Variants in RARB observed in about 807,000 individuals in gnomAD.
RARB encodes HBV-activated protein.
In RARB, 17 loss-of-function variants were observed where a neutral mutation model predicts 51.9. That is an observed-to-expected ratio of 0.33 (90% confidence interval 0.22 to 0.49). The LOEUF is 0.49. Among genes scored for constraint, RARB ranks in the 20% least tolerant of loss-of-function variants. RARB has a pLI of 0.99. For synonymous variants in RARB, 215 were observed against 195.4 expected, an observed-to-expected ratio of 1.10 and a Z score of -0.84; for missense variants, 369 against 550.8, an observed-to-expected ratio of 0.67 and a Z score of 3.30.
chr3:25,246,210 G>T (rs183188149), intron 5 of RARB, among the ~76,000 whole-genome samples: 1 of 152,038 alleles, frequency 6.6e-6, no homozygotes, highest in South Asian at 2.1e-4. Flanking sequence ...ATTCCAGTTA[G>T]CAGTACTTCT....
chr3:25,010,780 C>A (rs575407737), intron 2 of RARB, among the ~76,000 whole-genome samples: 17 of 152,250 alleles, frequency 1.1e-4, no homozygotes, highest in African/African-American at 3.8e-4. Context: ...CATGAACCCT[C>A]CCCGATCCTT....
At chr3:25,338,515 G>A (rs1705130913) in intron 5 of RARB, among the ~76,000 whole-genome samples, 1 of 152,098 alleles carries the variant, frequency 6.6e-6, no homozygotes, top group Admixed American at 6.5e-5. Flanking sequence ...GGTTTGGCTG[G>A]AATCATTTAC....
intron 5 of RARB, among the ~76,000 whole-genome samples, chr3:25,410,764 G>C (rs1040204306): frequency 4.6e-5 from 7 of 152,128 alleles, no homozygotes; most frequent in African/African-American, 1.7e-4. Flanking sequence ...CTTGAAATGG[G>C]CCACAGTCAG....
intron 5 of RARB, among the ~76,000 whole-genome samples, chr3:25,258,721 G>A (rs1702927126): frequency 6.6e-6 from 1 of 152,108 alleles, no homozygotes; most frequent in South Asian, 2.1e-4. Context: ...TGCATCTCCT[G>A]GCTTCTGGAG....
At chr3:25,013,414 C>T (rs907705824) in intron 2 of RARB, among the ~76,000 whole-genome samples, 1 of 152,096 alleles carries the variant, frequency 6.6e-6, no homozygotes, top group Non-Finnish European at 1.5e-5. Context: ...TCAAACTGTA[C>T]TGTCGTCCTG....
At chr3:24,981,442 C>G (rs935519856) in intron 2 of RARB, among the ~76,000 whole-genome samples, 29 of 152,174 alleles carry the variant, frequency 1.9e-4, no homozygotes, top group Non-Finnish European at 3.7e-4. Flanking sequence ...TGGAGCTTCC[C>G]TGCCTCTTTG....
At chr3:25,367,685 A>C (rs375596818) in intron 5 of RARB, among the ~76,000 whole-genome samples, 1 of 151,334 alleles carries the variant, frequency 6.6e-6, no homozygotes, top group Non-Finnish European at 1.5e-5. Flanking sequence ...AATTAGCCGC[A>C]TATGGGGGTG....
At chr3:24,857,873 CTGT>C (rs1702664480) in intron 1 of RARB, among the ~76,000 whole-genome samples, 1 of 152,172 alleles carries the variant, frequency 6.6e-6, no homozygotes, top group African/African-American at 2.4e-5. Flanking sequence ...TCACAGTGAG[CTGT>C]TATTATGCCA....
At chr3:25,240,046 GT>G (rs369953954) in intron 5 of RARB, among the ~76,000 whole-genome samples, 29 of 139,164 alleles carry the variant, frequency 2.1e-4, no homozygotes, top group Admixed American at 8.5e-4. Context: ...GTGTTTGTTT[GT>G]TTTTTTTTTG....
chr3:25,259,053 G>A, intron 5 of RARB: 1 of 985,290 alleles, frequency 1.0e-6, no homozygotes, highest in Non-Finnish European at 1.2e-6. Flanking sequence ...AACCAGGAAT[G>A]TGAACATACT....
chr3:24,901,149 A>G (rs566108992), intron 2 of RARB, among the ~76,000 whole-genome samples: 37 of 152,358 alleles, frequency 2.4e-4, no homozygotes, highest in African/African-American at 8.7e-4. Context: ...TTAAAAAGAA[A>G]GAACAGTGTC....
chr3:25,025,825 C>T (rs954676764), intron 2 of RARB, among the ~76,000 whole-genome samples: 85 of 152,028 alleles, frequency 5.6e-4, no homozygotes, highest in Non-Finnish European at 6.2e-4. Flanking sequence ...CATATAAATC[C>T]CATTAAGTGT....
At chr3:25,337,806 T>C (rs896081772) in intron 5 of RARB, among the ~76,000 whole-genome samples, 2 of 152,030 alleles carry the variant, frequency 1.3e-5, no homozygotes, top group Non-Finnish European at 2.9e-5. Flanking sequence ...TCCAGGAGTA[T>C]ACGTTTCTTG....
intron 5 of RARB, among the ~76,000 whole-genome samples, chr3:25,394,597 T>C (rs1707065395): frequency 6.6e-6 from 1 of 152,174 alleles, no homozygotes; most frequent in South Asian, 2.1e-4. Flanking sequence ...TAGAGGCATA[T>C]ATATTTAGGA....
chr3:24,937,276 T>C (rs972028798), intron 2 of RARB, among the ~76,000 whole-genome samples: 1 of 152,150 alleles, frequency 6.6e-6, no homozygotes, highest in African/African-American at 2.4e-5. Flanking sequence ...GCTACTCAAT[T>C]TGGTTCAATG....
At chr3:25,174,143 G>C (rs1233572127) in exon 5 of RARB, 1 of 211,462 alleles carries the variant, frequency 4.7e-6, no homozygotes, top group Non-Finnish European at 1.0e-5. Context: ...AAATTTGAAG[G>C]TGCTAGTGTC....
intron 3 of RARB, among the ~76,000 whole-genome samples, chr3:25,562,218 T>C (rs957051360): frequency 2.6e-5 from 4 of 151,258 alleles, no homozygotes; most frequent in Non-Finnish European, 5.9e-5. Flanking sequence ...AAATTGATTA[T>C]GGAAGAGATA....
chr3:24,979,964 G>T (rs368336483), intron 2 of RARB, among the ~76,000 whole-genome samples: 1 of 152,128 alleles, frequency 6.6e-6, no homozygotes, highest in Non-Finnish European at 1.5e-5. Context: ...GGCAGGCCTG[G>T]TGGTGACAAA....
At chr3:25,225,196 A>G (rs2125386916) in intron 5 of RARB, among the ~76,000 whole-genome samples, 1 of 152,312 alleles carries the variant, frequency 6.6e-6, no homozygotes, top group East Asian at 1.9e-4. Context: ...GGTGCTCTAT[A>G]ACACAGGAAT....
Sources: allele counts gnomAD v4.1 joint callset (sites outside exome capture counted in the v4.1 genomes callset), GRCh38; gene constraint gnomAD v4.1.1; transcripts MANE v1.5; gene names NCBI Gene and HGNC (gene_info 2026-07-23, HGNC 2026-07-21).